The following XCR1 variants were observed in gnomAD, a reference collection of about 807,000 sequenced individuals.
XCR1 encodes the protein chemokine XC receptor 1.
For missense variants in XCR1, 356 were observed against 424.2 expected, an observed-to-expected ratio of 0.84 and a Z score of 1.41; for synonymous variants, 187 against 188.5, an observed-to-expected ratio of 0.99 and a Z score of 0.06.
At chr3:46,055,729 G>A (rs879541493) in intron 4 of XCR1, among the ~76,000 whole-genome samples, 3 of 152,116 alleles carry the variant, frequency 2.0e-5, no homozygotes, top group Admixed American at 1.3e-4. Context: ...CTGGAGACCT[G>A]GATTCCGTAA....
chr3:46,064,470 G>T (rs542701137), intron 4 of XCR1, among the ~76,000 whole-genome samples: 4 of 152,200 alleles, frequency 2.6e-5, no homozygotes, highest in African/African-American at 9.6e-5. Flanking sequence ...ATTCTTTACT[G>T]CTCCTCCCAC....
chr3:46,080,192 A>AG (rs1206310869), intron 1 of XCR1, among the ~76,000 whole-genome samples: 1 of 151,866 alleles, frequency 6.6e-6, no homozygotes. Context: ...CTCAAAAAAA[A>AG]AAAAAGAAAA....
intron 5 of XCR1, among the ~76,000 whole-genome samples, chr3:46,040,209 A>G (rs559350065): frequency 1.3e-5 from 2 of 152,220 alleles, no homozygotes; most frequent in Admixed American, 1.3e-4. Flanking sequence ...TAGGAAACGG[A>G]CTCCTCTTTA....
chr3:46,056,936 G>A (rs930322464), intron 4 of XCR1, among the ~76,000 whole-genome samples: 1 of 152,132 alleles, frequency 6.6e-6, no homozygotes, highest in Non-Finnish European at 1.5e-5. Context: ...TTGTAATAAA[G>A]CAAAACTTAA....
At chr3:46,078,350 G>T (rs1410844702) in intron 1 of XCR1, among the ~76,000 whole-genome samples, 1 of 152,172 alleles carries the variant, frequency 6.6e-6, no homozygotes, top group African/African-American at 2.4e-5. Context: ...GGAACCTCTT[G>T]TATTCTGACT....
At chr3:46,069,460 G>T (rs2125902478) in intron 3 of XCR1, among the ~76,000 whole-genome samples, 1 of 152,230 alleles carries the variant, frequency 6.6e-6, no homozygotes, top group Middle Eastern at 3.4e-3. Flanking sequence ...ACAGTTGACA[G>T]CTAACCCTTG....
chr3:46,065,726 G>A (rs1052810446), intron 4 of XCR1, among the ~76,000 whole-genome samples: 1 of 152,176 alleles, frequency 6.6e-6, no homozygotes, highest in Non-Finnish European at 1.5e-5. Flanking sequence ...GCAAATTACT[G>A]CTGGAATCAC....
upstream of XCR1, among the ~76,000 whole-genome samples, chr3:46,031,996 A>T (rs1363576240): frequency 6.6e-6 from 1 of 152,192 alleles, no homozygotes; most frequent in Non-Finnish European, 1.5e-5. Flanking sequence ...TGCAGAAAGG[A>T]GCTATGCACT....
chr3:46,040,975 T>C (rs1697528967), intron 5 of XCR1, among the ~76,000 whole-genome samples: 1 of 152,224 alleles, frequency 6.6e-6, no homozygotes, highest in Non-Finnish European at 1.5e-5. Context: ...GCTTTTTTTG[T>C]TTGAAATATT....
rs61295539 is a variant in XCR1, at chr3:46,069,908, A to AT, written c.-262-2931dup. On this transcript the variant is annotated intron_variant, in intron 3 of 5. Coordinates refer to the XCR1 transcript ENST00000683768. ...ATGTTAGGTTGTTAATTTGCGATCTATTTTTTTTTTTGGATGTAGAAGTTT... is the reference window on the plus strand; with the variant it reads ...ATGTTAGGTTGTTAATTTGCGATCTATTTTTTTTTTTTGGATGTAGAAGTTT... 6.3e-4 allele frequency among the ~76,000 whole-genome samples: 90 copies of AT among 142,960 alleles called. No homozygotes were observed. In the East Asian group the frequency reaches 8.8e-3, roughly 14 times the overall value. 93.8% of individuals were successfully genotyped at this position (142,960 alleles called of 152,430 possible).
rs557180277 is a variant in XCR1 at position 46,034,621 on chromosome 3, C to T, written c.-31-12643G>A. 6.6e-5 allele frequency among the ~76,000 whole-genome samples: 10 copies of T among 152,136 alleles called. No individual in the cohort carries two copies. The South Asian group carries it at 2.1e-3, about 32-fold the overall frequency. ...AAAAAATTATATAAATGTATGTGTACAAGTATAGTTTTGTTACGTGCATAT... is the reference window on the plus strand; with the variant it reads ...AAAAAATTATATAAATGTATGTGTATAAGTATAGTTTTGTTACGTGCATAT... On this transcript the variant is annotated intron_variant, in intron 5 of 5. Coordinates refer to the XCR1 transcript ENST00000683768.
intron 3 of XCR1, among the ~76,000 whole-genome samples, chr3:46,068,730 C>T (rs776413710): frequency 2.0e-5 from 3 of 151,748 alleles, no homozygotes; most frequent in Non-Finnish European, 4.4e-5. Context: ...TGTTTTTTTC[C>T]AAAATCAGAA....
intron 5 of XCR1, among the ~76,000 whole-genome samples, chr3:46,041,338 CT>C (rs1697533722): frequency 6.6e-6 from 1 of 152,092 alleles, no homozygotes; most frequent in South Asian, 2.1e-4. Context: ...TCTTGTTGCA[CT>C]TTGTGTGAGT....
At chr3:46,044,732 T>C (rs7646264) in intron 5 of XCR1, among the ~76,000 whole-genome samples, 66,278 of 151,718 alleles carry the variant, frequency 0.44, 16,524 homozygotes, top group African/African-American at 0.69. Flanking sequence ...ACTCTATGCC[T>C]GCAAATCCGA....
In XCR1 at chr3:46,021,959, G is replaced by T. The variant is rs371787258; in HGVS notation, c.-12C>A. The T allele has an allele frequency of 5.0e-6, 8 of 1,599,982 alleles. No individual in the cohort carries two copies. In the African/African-American group the frequency reaches 8.1e-5, roughly 16 times the overall value. On this transcript the variant is annotated 5_prime_UTR_variant, in exon 2 of 2. Coordinates refer to ENST00000309285, the MANE Select transcript of XCR1 (RefSeq NM_001024644.2). This position sits in a 1 kb window ranked among gnomAD's most constrained non-coding sequence, Gnocchi z 4.7. ...CCTGAGGACTCCATCTGGACCAGATGGCAGGGACGTTTAGAGCATCTGAAA... is the reference window on the plus strand; with the variant it reads ...CCTGAGGACTCCATCTGGACCAGATTGCAGGGACGTTTAGAGCATCTGAAA...
chr3:46,021,013 G>C lies in XCR1; in HGVS notation c.935C>G (p.Ala312Gly). Residue 312 changes from alanine (A) to glycine (G), a missense_variant, in exon 2 of 2, where the codon GCA (alanine) becomes GGA (glycine). Physicochemically the swap from Ala to Gly is moderately conservative, Grantham distance 60. Transcript: ENST00000309285. The surrounding 1 kb of genome is among the most constrained non-coding windows in gnomAD (Gnocchi z 4.7). ...LRQFWFCRLQ[A>G]PSPASIPHSP... ...GTGGGGGATCGAGGCTGGGCTGGGTGCCTGCAGCCGGCAGAACCAGAACTG... is the reference window on the plus strand; with the variant it reads ...GTGGGGGATCGAGGCTGGGCTGGGTCCCTGCAGCCGGCAGAACCAGAACTG... 1.2e-6 allele frequency: 2 copies of C among 1,613,294 alleles called. No individual in the cohort carries two copies. The highest frequency in any genetic ancestry group is 1.7e-6 in the Non-Finnish European group (2 of 1,179,574).
rs544310378 is a variant in XCR1, at chr3:46,062,212, C to T, written c.-183+4687G>A. Among the ~76,000 whole-genome samples the T allele has an allele frequency of 3.9e-5, 6 of 152,280 alleles. No individual in the cohort carries two copies. In the South Asian group the frequency reaches 1.2e-3, roughly 32 times the overall value. On this transcript the variant is annotated intron_variant, in intron 4 of 5. Transcript: ENST00000683768. ...AGATGCAGGCCTCCTGGAAGCAGGA[C>T]CAGTGGATGTGAGTCCCTGCAGCAG... is the stretch of plus-strand genomic sequence containing the variant.
In XCR1 at chr3:46,021,173, A is replaced by G; in HGVS notation, c.775T>C (p.Cys259Arg). ...TLFRTQIIRS[C>R]EAKQQLEYAL... ...TATTCTAGCTGCTGTTTGGCCTCGC[A>G]GCTCCGGATGATCTGGGTCCGAAAC... Residue 259 changes from cysteine (C) to arginine (R), a missense_variant, in exon 2 of 2, where the codon TGC becomes CGC. Cys to Arg is a radical substitution (Grantham distance 180). Transcript: ENST00000309285. The surrounding 1 kb of genome is among the most constrained non-coding windows in gnomAD (Gnocchi z 4.7). 6.2e-7 allele frequency: 1 copy of G among 1,614,252 alleles called. No individual in the cohort carries two copies. Among genetic ancestry groups the G allele is most frequent in the Non-Finnish European group, 8.5e-7 (1 of 1,180,036 alleles).
intron 5 of XCR1, among the ~76,000 whole-genome samples, chr3:46,043,167 G>A (rs1697565083): frequency 1.3e-5 from 2 of 152,170 alleles, no homozygotes; most frequent in Non-Finnish European, 2.9e-5. Context: ...AGGGCCAGGT[G>A]TGGTGGCTTA....
Sources: gnomAD v4.1 joint callset for allele counts (sites outside exome capture counted in the v4.1 genomes callset) on GRCh38, gnomAD v4.1.1 for gene constraint, Gnocchi (gnomAD v3.1) non-coding constraint, MANE v1.5 for transcripts, NCBI Gene and HGNC (gene_info 2026-07-23, HGNC 2026-07-21) for gene names.